TENM3: variants seen among roughly 807,000 people sequenced by gnomAD.
TENM3 encodes the protein teneurin-3.
Under a neutral mutation model 255.1 loss-of-function variants are expected in TENM3, and 63 were observed. The ratio of observed to expected loss-of-function variants is 0.25; its 90% CI spans 0.20 to 0.30. The LOEUF (loss-of-function observed/expected upper bound fraction) is 0.30, where lower values mean the gene tolerates loss of function less well. Ranked by LOEUF, TENM3 falls within the 10% of genes least tolerant of loss-of-function variation. The pLI is 1.00. For synonymous variants in TENM3, 1,306 were observed against 1,322.3 expected (o/e 0.99, Z 0.27); for missense variants, 2,929 against 3,461.1 (o/e 0.85, Z 3.86).
chr4:182,246,946 G>C (rs915283215), intron 1 of TENM3, among the ~76,000 whole-genome samples: 5 of 152,338 alleles, frequency 3.3e-5, no homozygotes, highest in Admixed American at 6.5e-5. Flanking sequence ...GATTGAGGTG[G>C]ATCACGAGGG....
the TENM3 span, among the ~76,000 whole-genome samples, chr4:181,793,968 T>C: frequency 6.6e-6 from 1 of 152,214 alleles, no homozygotes; most frequent in Non-Finnish European, 1.5e-5. Flanking sequence ...CCTGTTGTTT[T>C]AGTGTTTCCA....
intron 22 of TENM3, 176 bp downstream of exon 22, chr4:182,755,435 G>A: frequency 1.7e-6 from 1 of 594,686 alleles, no homozygotes; most frequent in Non-Finnish European, 2.8e-6. Context: ...TCAGCTCCTG[G>A]GGAGGCTGAG....
At chr4:181,978,073 G>A in the TENM3 span, among the ~76,000 whole-genome samples, 4 of 152,210 alleles carry the variant, frequency 2.6e-5, no homozygotes, top group African/African-American at 9.7e-5. Context: ...CAGGGTGACA[G>A]AAGATGAAGT....
At chr4:181,747,675 T>C in the TENM3 span, among the ~76,000 whole-genome samples, 1 of 152,144 alleles carries the variant, frequency 6.6e-6, no homozygotes, top group South Asian at 2.1e-4. Context: ...TTTGTTACAT[T>C]CCTGCTTAAT....
At chr4:181,767,198 G>A in the TENM3 span, among the ~76,000 whole-genome samples, 317 of 145,690 alleles carry the variant, frequency 2.2e-3, 15 homozygotes, top group Admixed American at 0.022. Flanking sequence ...CTTGCAGTGA[G>A]CCGAGAAGGT....
intron 22 of TENM3, among the ~76,000 whole-genome samples, chr4:182,772,224 G>GA (rs71605091): frequency 0.46 from 70,435 of 151,890 alleles, 17,297 homozygotes; most frequent in East Asian, 0.67. Flanking sequence ...AAGTGAAATT[G>GA]AAAAAACAAA....
At chr4:181,570,486 G>C in the TENM3 span, among the ~76,000 whole-genome samples, 1 of 150,708 alleles carries the variant, frequency 6.6e-6, no homozygotes, top group Non-Finnish European at 1.5e-5. Flanking sequence ...GGGTGACAGA[G>C]AAAGACCCTG....
chr4:182,281,307 CAG>C (rs1760371410), intron 1 of TENM3, among the ~76,000 whole-genome samples: 1 of 152,220 alleles, frequency 6.6e-6, no homozygotes, highest in Admixed American at 6.5e-5. Flanking sequence ...ACTTTAATAA[CAG>C]ATATATTTAA....
chr4:182,336,799 C>A (rs1052851155), intron 2 of TENM3, among the ~76,000 whole-genome samples: 1 of 148,270 alleles, frequency 6.7e-6, no homozygotes, highest in Admixed American at 6.7e-5. Context: ...TTAACTTTTT[C>A]TTTTCCATTT....
intron 2 of TENM3, among the ~76,000 whole-genome samples, chr4:182,342,978 T>G (rs1201296028): frequency 1.3e-5 from 2 of 152,204 alleles, no homozygotes; most frequent in Non-Finnish European, 2.9e-5. Context: ...TCTCCTTCTT[T>G]TATTAAAGAG....
chr4:182,227,604 G>T (rs1029018745), intron 1 of TENM3, among the ~76,000 whole-genome samples: 2 of 147,242 alleles, frequency 1.4e-5, no homozygotes, highest in Admixed American at 1.4e-4. Flanking sequence ...CCTCGCTTTA[G>T]TCTAATTTTT....
chr4:181,929,971 C>T, the TENM3 span, among the ~76,000 whole-genome samples: 342 of 152,104 alleles, frequency 2.2e-3, 2 homozygotes, highest in African/African-American at 7.8e-3. Flanking sequence ...TTATTCGAAA[C>T]GAGTGAGAAC....
At chr4:181,813,188 G>A in the TENM3 span, among the ~76,000 whole-genome samples, 4 of 152,154 alleles carry the variant, frequency 2.6e-5, no homozygotes, top group Non-Finnish European at 5.9e-5. Flanking sequence ...GAAAAGGCAA[G>A]GGATCTCTTT....
rs544361490 is a variant in TENM3, at chr4:182,590,834, C to T, written c.512-10090C>T. On this transcript the variant is annotated intron_variant, in intron 3 of 27. Coordinates refer to ENST00000511685, the MANE Select transcript of TENM3 (RefSeq NM_001080477.4). Reference sequence around the variant, plus strand: ...ACTGCACTCCAGCCTGGAGACAGAGCGAGACTCCGTCTCAAAAGAAAAAAA... The same window carrying T: ...ACTGCACTCCAGCCTGGAGACAGAGTGAGACTCCGTCTCAAAAGAAAAAAA... 3.7e-4 allele frequency among the ~76,000 whole-genome samples: 55 copies of T among 146,894 alleles called. 2 individuals carry two copies. In the South Asian group the frequency reaches 8.8e-3, roughly 24 times the overall value.
intron 1 of TENM3, among the ~76,000 whole-genome samples, chr4:182,321,679 C>T (rs1383327644): frequency 6.6e-6 from 1 of 151,374 alleles, no homozygotes; most frequent in Non-Finnish European, 1.5e-5. Flanking sequence ...GGAGTGGTGG[C>T]TCATGCCTGT....
At chr4:182,176,103 C>G (rs1752471806) in intron 1 of TENM3, among the ~76,000 whole-genome samples, 1 of 152,100 alleles carries the variant, frequency 6.6e-6, no homozygotes, top group African/African-American at 2.4e-5. Flanking sequence ...AGGATAAATA[C>G]CATTCTTTAA....
At chr4:181,744,391 G>C in the TENM3 span, among the ~76,000 whole-genome samples, 1 of 152,158 alleles carries the variant, frequency 6.6e-6, no homozygotes, top group Non-Finnish European at 1.5e-5. Flanking sequence ...CTAGGTCTTT[G>C]AGGAATCACT....
At chr4:182,089,322 G>C in the TENM3 span, among the ~76,000 whole-genome samples, 2 of 152,090 alleles carry the variant, frequency 1.3e-5, no homozygotes, top group African/African-American at 4.8e-5. Context: ...CCAAAAGTCG[G>C]GTCTCCTGAT....
At chr4:181,842,269 A>G in the TENM3 span, among the ~76,000 whole-genome samples, 1 of 152,166 alleles carries the variant, frequency 6.6e-6, no homozygotes, top group Non-Finnish European at 1.5e-5. Context: ...AAGAAAATCA[A>G]GAGGGAAATA....
Sources: allele counts gnomAD v4.1 joint callset (sites outside exome capture counted in the v4.1 genomes callset), GRCh38; gene constraint gnomAD v4.1.1; transcripts MANE v1.5; gene names NCBI Gene and HGNC (gene_info 2026-07-23, HGNC 2026-07-21).